The following FER variants were observed in gnomAD, a reference collection of about 807,000 sequenced individuals.
FER encodes FER tyrosine kinase, also known as tyrosine-protein kinase Fer.
FER carries 63 observed loss-of-function variants against 111.0 expected under a neutral mutation model. That is an observed-to-expected ratio of 0.57 (90% CI 0.46 to 0.70). The LOEUF (loss-of-function observed/expected upper bound fraction) is 0.70, where lower values mean the gene tolerates loss of function less well. Ranked by LOEUF, FER falls within the 30% of genes least tolerant of loss-of-function variation. The probability of loss-of-function intolerance (pLI) is 0.00; values close to 1 mark genes in which losing one functional copy is unlikely to be tolerated. For missense variants in FER, 914 were observed against 954.0 expected (o/e 0.96, Z 0.55); for synonymous variants, 327 against 313.9 (o/e 1.04, Z -0.44).
chr5:108,892,646 T>G (rs1188821494), intron 9 of FER, among the ~76,000 whole-genome samples: 1 of 152,206 alleles, frequency 6.6e-6, no homozygotes, highest in East Asian at 1.9e-4. Flanking sequence ...TAGTTTCTTT[T>G]GCTGTGCAGA....
At chr5:108,941,744 G>T (rs993244055) in intron 10 of FER, among the ~76,000 whole-genome samples, 2 of 152,148 alleles carry the variant, frequency 1.3e-5, no homozygotes, top group Non-Finnish European at 2.9e-5. Flanking sequence ...CAGGAAGCTG[G>T]TTGGTGTGCA....
intron 2 of FER, chr5:108,785,194 T>G (rs990270631): frequency 6.4e-6 from 4 of 624,056 alleles, no homozygotes; most frequent in East Asian, 3.8e-5. Context: ...ATCTGAACAC[T>G]GTGACTATGT....
At chr5:108,859,716 A>G (rs532905400) in intron 5 of FER, among the ~76,000 whole-genome samples, 2 of 152,152 alleles carry the variant, frequency 1.3e-5, no homozygotes, top group South Asian at 2.1e-4. Flanking sequence ...GAATGTAGCA[A>G]TCACTATATG....
chr5:108,936,675 T>C (rs934308991), intron 10 of FER, among the ~76,000 whole-genome samples: 1 of 152,034 alleles, frequency 6.6e-6, no homozygotes, highest in Admixed American at 6.6e-5. Flanking sequence ...ATTTATAATA[T>C]TTGGTAATTG....
At position 109,021,682 on chromosome 5, in the gene FER, GTAAT is replaced by G. The variant is rs1304119166; in HGVS notation, c.1657-15734_1657-15731del. Among the ~76,000 whole-genome samples the G allele has an allele frequency of 1.2e-4, 18 of 152,068 alleles. No individual in the cohort carries two copies. The South Asian group carries it at 3.3e-3, about 28-fold the overall frequency. On this transcript the variant is annotated intron_variant, in intron 13 of 19. Coordinates refer to ENST00000281092, the MANE Select transcript of FER (RefSeq NM_005246.4). ...ATATATCCCATCTCATTACTATAAA[GTAAT>G]TAATTTTCTACTAAACTGTATGTCT...
intron 17 of FER, among the ~76,000 whole-genome samples, chr5:109,146,005 T>G (rs1403212186): frequency 6.6e-6 from 1 of 151,046 alleles, no homozygotes; most frequent in Non-Finnish European, 1.5e-5. Flanking sequence ...CATCTTATGG[T>G]ATTCAGTTTT....
At chr5:109,018,029 A>G (rs960326680) in intron 13 of FER, among the ~76,000 whole-genome samples, 9 of 151,816 alleles carry the variant, frequency 5.9e-5, no homozygotes. Flanking sequence ...AGGGAAAGAA[A>G]GCATCATGTA....
intron 17 of FER, 94 bp downstream of exon 17, chr5:109,100,613 G>A: frequency 8.0e-7 from 1 of 1,250,942 alleles, no homozygotes. Flanking sequence ...TTTCTTTCAT[G>A]AAACATGTCT....
intron 13 of FER, among the ~76,000 whole-genome samples, chr5:109,008,273 A>G (rs1014993290): frequency 6.6e-6 from 1 of 152,186 alleles, no homozygotes; most frequent in Non-Finnish European, 1.5e-5. Flanking sequence ...TACAACTATC[A>G]TTAAAGATGT....
intron 17 of FER, among the ~76,000 whole-genome samples, chr5:109,171,440 T>TA (rs1214961194): frequency 6.6e-6 from 1 of 152,212 alleles, no homozygotes; most frequent in Non-Finnish European, 1.5e-5. Context: ...TACAGATTAG[T>TA]ATGCATGAAG....
At chr5:108,854,925 C>G (rs1580886749) in intron 5 of FER, among the ~76,000 whole-genome samples, 1 of 115,096 alleles carries the variant, frequency 8.7e-6, no homozygotes, top group Non-Finnish European at 1.6e-5. Flanking sequence ...GCTGGGCTGA[C>G]AGAGCAGCAA....
At chr5:109,169,072 A>G (rs1756834327) in intron 17 of FER, among the ~76,000 whole-genome samples, 1 of 152,218 alleles carries the variant, frequency 6.6e-6, no homozygotes, top group African/African-American at 2.4e-5. Context: ...ATAATCCTTC[A>G]TGAATGCACA....
intron 9 of FER, among the ~76,000 whole-genome samples, chr5:108,897,225 C>A (rs1251443399): frequency 6.6e-6 from 1 of 152,134 alleles, no homozygotes; most frequent in African/African-American, 2.4e-5. Flanking sequence ...AGCTTTGTGT[C>A]CAGACTGTCA....
intron 16 of FER, among the ~76,000 whole-genome samples, chr5:109,064,565 A>G (rs1774850700): frequency 1.3e-5 from 2 of 152,186 alleles, no homozygotes; most frequent in Non-Finnish European, 2.9e-5. Context: ...TGTAAGAAAC[A>G]TTAAGTTTTC....
At chr5:109,140,084 A>C (rs1049224387) in intron 17 of FER, among the ~76,000 whole-genome samples, 2 of 152,224 alleles carry the variant, frequency 1.3e-5, no homozygotes, top group African/African-American at 2.4e-5. Flanking sequence ...ACAGTGAACA[A>C]AGTATTTAGT....
chr5:109,078,110 A>G (rs993045039), intron 16 of FER, among the ~76,000 whole-genome samples: 1 of 152,208 alleles, frequency 6.6e-6, no homozygotes, highest in African/African-American at 2.4e-5. Flanking sequence ...AGTGCTTCAG[A>G]ATAGTTCAGC....
At chr5:108,881,903 G>A (rs1280399147) in intron 8 of FER, among the ~76,000 whole-genome samples, 1 of 151,762 alleles carries the variant, frequency 6.6e-6, no homozygotes, top group East Asian at 1.9e-4. Context: ...ATGAATTTTG[G>A]GGTCACAATT....
At chr5:108,939,390 A>T (rs1319183954) in intron 10 of FER, among the ~76,000 whole-genome samples, 2 of 152,108 alleles carry the variant, frequency 1.3e-5, no homozygotes. Flanking sequence ...CTACTATATT[A>T]GTTCTATACA....
At chr5:109,165,630 GTGTGTGTGTA>G (rs1298140475) in intron 17 of FER, among the ~76,000 whole-genome samples, 8 of 96,116 alleles carry the variant, frequency 8.3e-5, no homozygotes, top group Non-Finnish European at 1.7e-4. Flanking sequence ...GTGTGTGTGT[GTGTGTGTGTA>G]TACACACATA....
Sources: allele counts gnomAD v4.1 joint callset (sites outside exome capture counted in the v4.1 genomes callset), GRCh38; gene constraint gnomAD v4.1.1; transcripts MANE v1.5; gene names NCBI Gene and HGNC (gene_info 2026-07-23, HGNC 2026-07-21).